Variants in PARVB observed in about 807,000 individuals in gnomAD.
PARVB encodes the protein parvin beta.
A neutral mutation model predicts 47.0 loss-of-function variants in PARVB; 46 were observed. That is an observed-to-expected ratio of 0.98 (90% CI 0.77 to 1.25). PARVB has a LOEUF of 1.25. Ranked by LOEUF, PARVB falls within the 50% of genes most tolerant of loss-of-function variation. The pLI is 0.00. For synonymous variants in PARVB, 196 were observed against 196.3 expected, an observed-to-expected ratio of 1.00 and a Z score of 0.01; for missense variants, 473 against 471.6, an observed-to-expected ratio of 1.00 and a Z score of -0.03.
intron 3 of PARVB, among the ~76,000 whole-genome samples, chr22:44,101,625 C>A (rs2052450131): frequency 6.6e-6 from 1 of 151,302 alleles, no homozygotes; most frequent in African/African-American, 2.4e-5. Context: ...GTGGTGGGTG[C>A]CTATAATCCT....
chr22:44,117,519 G>A (rs2052936665), intron 3 of PARVB, among the ~76,000 whole-genome samples: 1 of 152,202 alleles, frequency 6.6e-6, no homozygotes, highest in East Asian at 1.9e-4. Flanking sequence ...GGTAGTTGGT[G>A]CTGTGCCCTG....
intron 11 of PARVB, among the ~76,000 whole-genome samples, chr22:44,162,408 G>A (rs1012540801): frequency 6.6e-6 from 1 of 152,098 alleles, no homozygotes; most frequent in African/African-American, 2.4e-5. Context: ...TGCAACCTCC[G>A]CCTCCTGGGT....
At chr22:44,022,970 C>G (rs960196795), upstream of PARVB, among the ~76,000 whole-genome samples, 2 of 151,754 alleles carry the variant, frequency 1.3e-5, no homozygotes, top group African/African-American at 2.4e-5. Context: ...TGGTCTTGAA[C>G]TCTTGACCTC....
intron 2 of PARVB, among the ~76,000 whole-genome samples, chr22:44,016,297 CGT>C (rs2050580621): frequency 6.6e-6 from 1 of 151,876 alleles, no homozygotes; most frequent in Non-Finnish European, 1.5e-5. Flanking sequence ...GGGGTTTCAC[CGT>C]GTTAGCCAGG....
chr22:44,014,282 G>T (rs1024321197), intron 2 of PARVB, among the ~76,000 whole-genome samples: 1 of 152,188 alleles, frequency 6.6e-6, no homozygotes, highest in African/African-American at 2.4e-5. Context: ...CCAGCATGGG[G>T]CACAGAGTGC....
At chr22:44,074,644 C>T (rs1436128488) in intron 1 of PARVB, among the ~76,000 whole-genome samples, 2 of 152,156 alleles carry the variant, frequency 1.3e-5, no homozygotes, top group Non-Finnish European at 2.9e-5. Flanking sequence ...AGAGGAGGAG[C>T]CCCACCATCC....
At chr22:44,158,939 A>G (rs1291480128) in intron 11 of PARVB, among the ~76,000 whole-genome samples, 1 of 152,208 alleles carries the variant, frequency 6.6e-6, no homozygotes, top group African/African-American at 2.4e-5. Flanking sequence ...GTGTTTATCA[A>G]TCTGCCCACT....
rs532431244 is a variant in PARVB, at chr22:44,168,823, G to A, written c.*145G>A. ...CATCCCCACCCCACCCCTACCTCAC[G>A]CCTGCCCCACCCCCTGCCTCTTTTG... On this transcript the variant is annotated 3_prime_UTR_variant, in exon 13 of 13. Transcript: ENST00000338758. 7.5e-5 allele frequency: 40 copies of A among 535,474 alleles called. No homozygotes were observed. The highest frequency in any genetic ancestry group is 1.8e-4 in the African/African-American group (6 of 33,602). The allele number at this position is 535,474 out of a possible 1,614,324, so 33.2% of individuals were successfully genotyped here.
At chr22:44,008,467 A>C (rs2050489616) in intron 2 of PARVB, among the ~76,000 whole-genome samples, 1 of 152,188 alleles carries the variant, frequency 6.6e-6, no homozygotes, top group South Asian at 2.1e-4. Flanking sequence ...TGTGCAAGGA[A>C]AGCATGCTTC....
intron 3 of PARVB, chr22:44,108,700 G>A (rs1308927465): frequency 6.6e-6 from 1 of 152,130 alleles, no homozygotes; most frequent in Non-Finnish European, 1.5e-5. Flanking sequence ...CAAGGGTGGG[G>A]AGAATTACAA....
intron 1 of PARVB, among the ~76,000 whole-genome samples, chr22:44,082,202 A>G (rs1399321503): frequency 6.6e-6 from 1 of 152,088 alleles, no homozygotes; most frequent in Non-Finnish European, 1.5e-5. Context: ...CGTGCTCCGG[A>G]AGGGTGGCAA....
chr22:44,095,366 G>A (rs1310594775), intron 2 of PARVB, among the ~76,000 whole-genome samples: 5 of 152,088 alleles, frequency 3.3e-5, no homozygotes, highest in Non-Finnish European at 2.9e-5. Flanking sequence ...AAAATTAGCC[G>A]AGTGTGGCTA....
chr22:44,097,842 C>T (rs938008743), intron 2 of PARVB, among the ~76,000 whole-genome samples: 2 of 152,166 alleles, frequency 1.3e-5, no homozygotes, highest in Admixed American at 1.3e-4. Context: ...CAGTAAGCCT[C>T]GAAACGGCAT....
chr22:44,067,380 A>C (rs763998450), intron 1 of PARVB, among the ~76,000 whole-genome samples: 1 of 152,230 alleles, frequency 6.6e-6, no homozygotes, highest in African/African-American at 2.4e-5. Context: ...TTAAAAGCTA[A>C]TCACATTTCC....
At chr22:44,059,795 TTATTAAA>T (rs2051385894) in intron 1 of PARVB, among the ~76,000 whole-genome samples, 1 of 152,202 alleles carries the variant, frequency 6.6e-6, no homozygotes, top group Admixed American at 6.5e-5. Flanking sequence ...AGAAGATGTG[TTATTAAA>T]CACTTGCAAA....
intron 8 of PARVB, chr22:44,147,605 A>G: frequency 3.0e-6 from 2 of 677,432 alleles, no homozygotes; most frequent in Middle Eastern, 4.1e-4. Flanking sequence ...GGTAAAAAGC[A>G]GGTGGAAGGG....
chr22:44,052,103 T>G (rs929372460), intron 1 of PARVB, among the ~76,000 whole-genome samples: 1 of 152,236 alleles, frequency 6.6e-6, no homozygotes, highest in Admixed American at 6.5e-5. Context: ...GCTGCCAGTT[T>G]GAGGTACTTT....
intron 11 of PARVB, among the ~76,000 whole-genome samples, chr22:44,162,180 GTGT>G (rs1419322594): frequency 1.3e-5 from 2 of 152,224 alleles, no homozygotes; most frequent in Non-Finnish European, 1.5e-5. Context: ...CTGTTTTCCA[GTGT>G]TGTTCGTTTG....
chr22:44,010,992 C>T (rs1569047838), intron 2 of PARVB, among the ~76,000 whole-genome samples: 2 of 151,014 alleles, frequency 1.3e-5, no homozygotes, highest in African/African-American at 2.4e-5. Context: ...CCTGGGTTCA[C>T]GTCATTCTCC....
Sources: allele counts gnomAD v4.1 joint callset (sites outside exome capture counted in the v4.1 genomes callset), GRCh38; gene constraint gnomAD v4.1.1; transcripts MANE v1.5; gene names NCBI Gene and HGNC (gene_info 2026-07-23, HGNC 2026-07-21).